The following OTUD1 variants were observed in gnomAD, a reference collection of about 807,000 sequenced individuals.
OTUD1 encodes the protein OTU deubiquitinase 1.
In OTUD1, 15 loss-of-function variants were observed where a neutral mutation model predicts 30.0. The observed-to-expected ratio is 0.50, with a 90% CI of 0.33 to 0.77. The LOEUF is 0.77. Among genes scored for constraint, OTUD1 ranks in the 30% least tolerant of loss-of-function variants. The pLI is 0.02. For synonymous variants in OTUD1, 381 were observed against 326.3 expected (o/e 1.17, Z -1.81); for missense variants, 796 against 697.8 (o/e 1.14, Z -1.59).
In OTUD1 at chr10:23,440,048, G is replaced by C. The variant is rs753479466; in HGVS notation, c.591G>C (p.Glu197Asp). 2.8e-6 allele frequency: 4 copies of C among 1,451,634 alleles called. No homozygotes were observed. In the South Asian group the frequency reaches 4.0e-5, roughly 15 times the overall value. 89.9% of individuals were successfully genotyped at this position (1,451,634 alleles called of 1,614,324 possible). A position where few individuals can be genotyped will look rare whatever the true frequency, so the allele number is the denominator to read the frequency against. Residue 197 changes from glutamate (E) to aspartate (D), a missense_variant, in exon 1 of 1, where the codon GAG becomes GAC. Coordinates refer to ENST00000376495, the MANE Select transcript of OTUD1 (RefSeq NM_001145373.3). ...EGPDRNFRLS[E>D]HRQALAAAKH... ...CCGATCGGAACTTCCGACTGAGCGA[G>C]CACCGCCAGGCCCTGGCCGCCGCCA...
At position 23,440,227 on chromosome 10, in the gene OTUD1, C is replaced by A. The variant is rs1349370479; in HGVS notation, c.770C>A (p.Pro257Gln). The change falls in exon 1 of 1, where the codon CCA becomes CAA. Residue 257 changes from proline to glutamine, a missense_variant. By Grantham distance (76) the Pro-to-Gln change is moderately conservative. Coordinates refer to ENST00000376495, the MANE Select transcript of OTUD1 (RefSeq NM_001145373.3). The part of the protein sequence containing the change: ...PGGDAARRPD[P>Q]EAEAPPAGSI... ...GGGGACGCGGCGCGGAGGCCCGACC[C>A]AGAGGCCGAGGCACCCCCCGCCGGG... The A allele has an allele frequency of 1.3e-6, 2 of 1,533,064 alleles. No individual in the cohort carries two copies. The highest frequency in any genetic ancestry group is 1.8e-6 in the Non-Finnish European group (2 of 1,135,996). The allele number at this position is 1,533,064 out of a possible 1,614,324, so 95.0% of individuals were successfully genotyped here.
In OTUD1 at chr10:23,440,035, T is replaced by G. The variant is rs555016199; in HGVS notation, c.578T>G (p.Phe193Cys). The G allele has an allele frequency of 2.5e-5, 36 of 1,449,652 alleles. No individual in the cohort carries two copies. In the African/African-American group the frequency reaches 4.9e-4, roughly 20 times the overall value. The allele number at this position is 1,449,652 out of a possible 1,614,324, so 89.8% of individuals were successfully genotyped here. The change falls in exon 1 of 1, where the codon TTC (phenylalanine) becomes TGC (cysteine). Residue 193 changes from phenylalanine to cysteine, a missense_variant. Coordinates refer to ENST00000376495, the MANE Select transcript of OTUD1 (RefSeq NM_001145373.3). ...ACACGGGAGGGGCCCGATCGGAACT[T>G]CCGACTGAGCGAGCACCGCCAGGCC... ...DATREGPDRN[F>C]RLSEHRQALA...
At position 23,439,978 on chromosome 10, in the gene OTUD1, C is replaced by G; in HGVS notation, c.521C>G (p.Pro174Arg). ...SAWLLEELLRPDCPEPAGLDA... is the reference protein window; with the variant it reads ...SAWLLEELLRRDCPEPAGLDA... ...TGGCTCCTGGAGGAGCTGCTGCGGCCCGACTGCCCCGAGCCCGCGGGCTTG... is the reference window on the plus strand; with the variant it reads ...TGGCTCCTGGAGGAGCTGCTGCGGCGCGACTGCCCCGAGCCCGCGGGCTTG... Residue 174 changes from proline (P) to arginine (R), a missense_variant, in exon 1 of 1, where the codon CCC becomes CGC. Transcript: ENST00000376495. 1 of 1,312,246 alleles carries G rather than the reference C, an allele frequency of 7.6e-7. No homozygotes were observed. The highest frequency in any genetic ancestry group is 3.1e-5 in the East Asian group (1 of 31,808). 81.3% of individuals were successfully genotyped at this position (1,312,246 alleles called of 1,614,324 possible).
At position 23,440,985 on chromosome 10, in the gene OTUD1, A is replaced by G. The variant is rs1254184769; in HGVS notation, c.*82A>G. ...AATCACATGAACTTTAATCAGGGTAATAGCACTTTCAAACTTGCTAGTAGA... is the reference window on the plus strand; with the variant it reads ...AATCACATGAACTTTAATCAGGGTAGTAGCACTTTCAAACTTGCTAGTAGA... On this transcript the variant is annotated 3_prime_UTR_variant, in exon 1 of 1. Coordinates refer to ENST00000376495, the MANE Select transcript of OTUD1 (RefSeq NM_001145373.3). 2 of 1,391,156 alleles carry G rather than the reference A, an allele frequency of 1.4e-6. No homozygotes were observed. Among genetic ancestry groups the G allele is most frequent in the Non-Finnish European group, 1.9e-6 (2 of 1,037,230 alleles). The allele number at this position is 1,391,156 out of a possible 1,614,324, so 86.2% of individuals were successfully genotyped here.
Position 23,440,109 on chromosome 10 carries a change from G to A in OTUD1, c.652G>A (p.Asp218Asn). Residue 218 changes from aspartate (D) to asparagine (N), a missense_variant, in exon 1 of 1, where the codon GAT becomes AAT. By Grantham distance (23) the Asp-to-Asn change is conservative (BLOSUM62 1). Transcript: ENST00000376495. ...RGPAATPGSP[D>N]PGPGPWGEEH... ...CCCCGCGGCGACCCCGGGGAGCCCC[G>A]ATCCCGGCCCCGGTCCGTGGGGCGA... 2 of 1,426,792 alleles carry A rather than the reference G, an allele frequency of 1.4e-6. No homozygotes were observed. The highest frequency in any genetic ancestry group is 1.8e-6 in the Non-Finnish European group (2 of 1,098,664). The allele number at this position is 1,426,792 out of a possible 1,614,324, so 88.4% of individuals were successfully genotyped here. A position where few individuals can be genotyped will look rare whatever the true frequency, so the allele number is the denominator to read the frequency against.
chr10:23,440,939 A>T lies in OTUD1; in HGVS notation c.*36A>T. ...AACCTTACACCCTGGGAATAATTGC[A>T]TATATAACTTGTGTTTGGAGAATCA... On this transcript the variant is annotated 3_prime_UTR_variant, in exon 1 of 1. Coordinates refer to ENST00000376495, the MANE Select transcript of OTUD1 (RefSeq NM_001145373.3). 1.3e-6 allele frequency: 2 copies of T among 1,516,934 alleles called. No individual in the cohort carries two copies. The highest frequency in any genetic ancestry group is 1.8e-6 in the Non-Finnish European group (2 of 1,129,674). The allele number at this position is 1,516,934 out of a possible 1,614,324, so 94.0% of individuals were successfully genotyped here.
Position 23,440,155 on chromosome 10 carries a change from G to C in OTUD1, c.698G>C (p.Gly233Ala). Residue 233 changes from glycine to alanine, a missense_variant, in exon 1 of 1, where the codon GGC (glycine) becomes GCC (alanine). Physicochemically the swap from Gly to Ala is moderately conservative, Grantham distance 60 (BLOSUM62 0). Coordinates refer to ENST00000376495, the MANE Select transcript of OTUD1 (RefSeq NM_001145373.3). ...PWGEEHLAER[G>A]PRGWERGGDR... ...GGCGAAGAGCACTTGGCGGAGAGGG[G>C]CCCCAGGGGCTGGGAGAGGGGCGGC... The C allele has an allele frequency of 6.9e-7, 1 of 1,442,992 alleles. No homozygotes were observed. The highest frequency in any genetic ancestry group is 9.1e-7 in the Non-Finnish European group (1 of 1,103,158). 89.4% of individuals were successfully genotyped at this position (1,442,992 alleles called of 1,614,324 possible).
chr10:23,439,988 C>G lies in OTUD1; in HGVS notation c.531C>G (p.Pro177=). 2.9e-6 allele frequency: 4 copies of G among 1,362,384 alleles called. No individual in the cohort carries two copies. The highest frequency in any genetic ancestry group is 3.8e-6 in the Non-Finnish European group (4 of 1,060,834). 84.4% of individuals were successfully genotyped at this position (1,362,384 alleles called of 1,614,324 possible). ...AGGAGCTGCTGCGGCCCGACTGCCC[C>G]GAGCCCGCGGGCTTGGACGCGACAC... The part of the protein sequence containing the change: ...LLEELLRPDC[P]EPAGLDATRE... The change falls in exon 1 of 1, where the codon CCC becomes CCG. Residue 177 remains proline (P), a synonymous_variant. Coordinates refer to ENST00000376495, the MANE Select transcript of OTUD1 (RefSeq NM_001145373.3).
Position 23,440,785 on chromosome 10 carries a change from C to G in OTUD1, c.1328C>G (p.Pro443Arg). The G allele has an allele frequency of 6.4e-7, 1 of 1,552,194 alleles. No individual in the cohort carries two copies. ...GTATTTGATCACTCCTATCCTAACCCAGAGTACGACAACTGGTGCAAACAA... is the reference window on the plus strand; with the variant it reads ...GTATTTGATCACTCCTATCCTAACCGAGAGTACGACAACTGGTGCAAACAA... ...DAVFDHSYPN[P>R]EYDNWCKQTQ... The change falls in exon 1 of 1, where the codon CCA becomes CGA. Residue 443 changes from proline to arginine, a missense_variant. By Grantham distance (103) the Pro-to-Arg change is moderately radical (BLOSUM62 -2). Coordinates refer to ENST00000376495, the MANE Select transcript of OTUD1 (RefSeq NM_001145373.3).
Position 23,439,567 on chromosome 10 carries a change from A to G in OTUD1, c.110A>G (p.Gln37Arg), listed in dbSNP as rs1847102770. Residue 37 changes from glutamine (Q) to arginine (R), a missense_variant, in exon 1 of 1, where the codon CAG (glutamine) becomes CGG (arginine). Gln to Arg is a conservative substitution (Grantham distance 43). Coordinates refer to ENST00000376495, the MANE Select transcript of OTUD1 (RefSeq NM_001145373.3). The part of the protein sequence containing the change: ...AAATPFKVSL[Q>R]PPGAAGAAPE... ...GCTACCCCCTTCAAGGTCTCGCTGC[A>G]GCCCCCGGGAGCCGCCGGCGCCGCG... The G allele has an allele frequency of 7.3e-6, 10 of 1,375,072 alleles. No individual in the cohort carries two copies. Among genetic ancestry groups the G allele is most frequent in the Non-Finnish European group, 9.4e-6 (10 of 1,060,742 alleles). 85.2% of individuals were successfully genotyped at this position (1,375,072 alleles called of 1,614,324 possible).
Position 23,440,098 on chromosome 10 carries a change from C to G in OTUD1, c.641C>G (p.Pro214Arg). The G allele has an allele frequency of 7.0e-7, 1 of 1,428,828 alleles. No individual in the cohort carries two copies. Among genetic ancestry groups the G allele is most frequent in the African/African-American group, 1.5e-5 (1 of 66,608 alleles). The allele number at this position is 1,428,828 out of a possible 1,614,324, so 88.5% of individuals were successfully genotyped here. Reference protein sequence around the residue: ...AAKHRGPAATPGSPDPGPGPW... With the variant: ...AAKHRGPAATRGSPDPGPGPW... ...AAGCACCGAGGCCCCGCGGCGACCC[C>G]GGGGAGCCCCGATCCCGGCCCCGGT... Residue 214 changes from proline (P) to arginine (R), a missense_variant, in exon 1 of 1, where the codon CCG becomes CGG. Pro to Arg is a moderately radical substitution (Grantham distance 103). Coordinates refer to ENST00000376495, the MANE Select transcript of OTUD1 (RefSeq NM_001145373.3).
In OTUD1 at chr10:23,440,678, C is replaced by G. The variant is rs1477463244; in HGVS notation, c.1221C>G (p.Thr407=). The part of the protein sequence containing the change: ...GGRLESPTVS[T]MIHYLGPEDS... ...GGCTGGAGAGTCCCACGGTGTCTACCATGATTCATTATTTGGGCCCAGAGG... is the reference window on the plus strand; with the variant it reads ...GGCTGGAGAGTCCCACGGTGTCTACGATGATTCATTATTTGGGCCCAGAGG... Residue 407 remains threonine (T), a synonymous_variant, in exon 1 of 1, where the codon ACC becomes ACG. Coordinates refer to ENST00000376495, the MANE Select transcript of OTUD1 (RefSeq NM_001145373.3). 1 of 1,551,846 alleles carries G rather than the reference C, an allele frequency of 6.4e-7. No individual in the cohort carries two copies. The highest frequency in any genetic ancestry group is 1.4e-5 in the African/African-American group (1 of 73,186).
rs1847109408 is a variant in OTUD1, at chr10:23,439,988, C to A, written c.531C>A (p.Pro177=). The part of the protein sequence containing the change: ...LLEELLRPDC[P]EPAGLDATRE... The stretch of plus-strand genomic sequence containing the variant: ...AGGAGCTGCTGCGGCCCGACTGCCC[C>A]GAGCCCGCGGGCTTGGACGCGACAC... The change falls in exon 1 of 1, where the codon CCC becomes CCA. Residue 177 remains proline, a synonymous_variant. Transcript: ENST00000376495. 2 of 1,362,276 alleles carry A rather than the reference C, an allele frequency of 1.5e-6. No homozygotes were observed. Among genetic ancestry groups the A allele is most frequent in the Non-Finnish European group, 9.4e-7 (1 of 1,060,844 alleles). The allele number at this position is 1,362,276 out of a possible 1,614,324, so 84.4% of individuals were successfully genotyped here.
chr10:23,439,866 G>A lies in OTUD1; in HGVS notation c.409G>A (p.Gly137Ser). ...GCCCGATCCCGTTCCCGGCGCCGCGGGCTCCGCCGCTGCCCCGCGCGGCCG... is the reference window on the plus strand; with the variant it reads ...GCCCGATCCCGTTCCCGGCGCCGCGAGCTCCGCCGCTGCCCCGCGCGGCCG... The part of the protein sequence containing the change: ...HGPDPVPGAA[G>S]SAAAPRGRCL... Residue 137 changes from glycine to serine, a missense_variant, in exon 1 of 1, where the codon GGC becomes AGC. Gly to Ser is a moderately conservative substitution (Grantham distance 56, BLOSUM62 0). Coordinates refer to ENST00000376495, the MANE Select transcript of OTUD1 (RefSeq NM_001145373.3). 1 of 1,132,444 alleles carries A rather than the reference G, an allele frequency of 8.8e-7. No individual in the cohort carries two copies. 70.1% of individuals were successfully genotyped at this position (1,132,444 alleles called of 1,614,324 possible). A position where few individuals can be genotyped will look rare whatever the true frequency, so the allele number is the denominator to read the frequency against.
In OTUD1 at chr10:23,440,329, C is replaced by T; in HGVS notation, c.872C>T (p.Ala291Val). ...TCGGATCCCAGAGACGAGAAGCTGG[C>T]CCTATACCTGGCCGAGGTGGAGAAG... ...SRSDPRDEKL[A>V]LYLAEVEKQD... Residue 291 changes from alanine (A) to valine (V), a missense_variant, in exon 1 of 1, where the codon GCC (alanine) becomes GTC (valine). Transcript: ENST00000376495. The T allele has an allele frequency of 2.6e-6, 4 of 1,551,298 alleles. No individual in the cohort carries two copies. The highest frequency in any genetic ancestry group is 2.6e-6 in the Non-Finnish European group (3 of 1,146,922).
chr10:23,440,947 C>T lies in OTUD1; in HGVS notation c.*44C>T, dbSNP rs1847121435. On this transcript the variant is annotated 3_prime_UTR_variant, in exon 1 of 1. Transcript: ENST00000376495. ...ACCCTGGGAATAATTGCATATATAACTTGTGTTTGGAGAATCACATGAACT... is the reference window on the plus strand; with the variant it reads ...ACCCTGGGAATAATTGCATATATAATTTGTGTTTGGAGAATCACATGAACT... 1.3e-6 allele frequency: 2 copies of T among 1,505,238 alleles called. No homozygotes were observed. Among genetic ancestry groups the T allele is most frequent in the Non-Finnish European group, 1.8e-6 (2 of 1,123,200 alleles). 93.2% of individuals were successfully genotyped at this position (1,505,238 alleles called of 1,614,324 possible).
At position 23,441,907 on chromosome 10, in the gene OTUD1, C is replaced by T. The variant is rs1441363357; in HGVS notation, c.*1004C>T. 2.4e-5 allele frequency: 4 copies of T among 167,014 alleles called. No individual in the cohort carries two copies. Among genetic ancestry groups the T allele is most frequent in the African/African-American group, 9.7e-5 (4 of 41,430 alleles). 10.3% of individuals were successfully genotyped at this position (167,014 alleles called of 1,614,324 possible). On this transcript the variant is annotated 3_prime_UTR_variant, in exon 1 of 1. Coordinates refer to ENST00000376495, the MANE Select transcript of OTUD1 (RefSeq NM_001145373.3). ...CACTGTCTTAATATTTCTTTACATT[C>T]TTTCAAAAGGCAAAATAGGATTGCC...
rs954939710 is a variant in OTUD1, at chr10:23,439,259, G to T, written c.-199G>T. 6.6e-6 allele frequency among the ~76,000 whole-genome samples: 1 copy of T among 151,514 alleles called. No individual in the cohort carries two copies. Among genetic ancestry groups the T allele is most frequent in the East Asian group, 1.9e-4 (1 of 5,132 alleles). ...CGTCCCGTCCCCGCCCCCCTGCGCT[G>T]TGGCGCAGCAGGAATTTGGCCGGGA... is the stretch of plus-strand genomic sequence containing the variant. On this transcript the variant is annotated 5_prime_UTR_variant, in exon 1 of 1. Transcript: ENST00000376495.
Position 23,440,944 on chromosome 10 carries a change from T to C in OTUD1, c.*41T>C. 1 of 1,508,662 alleles carries C rather than the reference T, an allele frequency of 6.6e-7. No homozygotes were observed. The highest frequency in any genetic ancestry group is 1.4e-5 in the African/African-American group (1 of 71,886). 93.5% of individuals were successfully genotyped at this position (1,508,662 alleles called of 1,614,324 possible). On this transcript the variant is annotated 3_prime_UTR_variant, in exon 1 of 1. Coordinates refer to ENST00000376495, the MANE Select transcript of OTUD1 (RefSeq NM_001145373.3). ...TACACCCTGGGAATAATTGCATATA[T>C]AACTTGTGTTTGGAGAATCACATGA...
Sources: allele counts gnomAD v4.1 joint callset (sites outside exome capture counted in the v4.1 genomes callset), GRCh38; gene constraint gnomAD v4.1.1; transcripts MANE v1.5; gene names NCBI Gene and HGNC (gene_info 2026-07-23, HGNC 2026-07-21).